Variants in RIN3 observed in about 807,000 individuals in gnomAD.
The protein encoded by RIN3 is Ras and Rab interactor 3.
In RIN3, 54 loss-of-function variants were observed where a neutral mutation model predicts 76.3. The ratio of observed to expected loss-of-function variants is 0.71; its 90% CI spans 0.57 to 0.89. The LOEUF (loss-of-function observed/expected upper bound fraction) is 0.89, where lower values mean the gene tolerates loss of function less well. Ranked by LOEUF, RIN3 falls within the 40% of genes least tolerant of loss-of-function variation. The pLI is 0.00. For synonymous variants in RIN3, 576 were observed against 564.0 expected (o/e 1.02, Z -0.30); for missense variants, 1,256 against 1,322.1 (o/e 0.95, Z 0.78).
intron 1 of RIN3, among the ~76,000 whole-genome samples, chr14:92,525,073 C>G (rs1896694334): frequency 6.6e-6 from 1 of 152,176 alleles, no homozygotes; most frequent in Admixed American, 6.5e-5. Flanking sequence ...CTGGCTGAGG[C>G]AAAGCTGGGT....
rs1898340324 is a variant in RIN3 at position 92,578,803 on chromosome 14, C to T, written c.367+1326C>T. ...ATCAGCTGATCCATAAGAAAGAATGCAGACCTCAAACACCAATCTTAGGTT... is the reference window on the plus strand; with the variant it reads ...ATCAGCTGATCCATAAGAAAGAATGTAGACCTCAAACACCAATCTTAGGTT... On this transcript the variant is annotated intron_variant, in intron 3 of 9. Transcript: ENST00000216487. Among the ~76,000 whole-genome samples the T allele has an allele frequency of 2.0e-5, 3 of 152,174 alleles. No homozygotes were observed. The South Asian group carries it at 6.2e-4, about 32-fold the overall frequency.
At chr14:92,575,709 G>C (rs558477403) in intron 2 of RIN3, among the ~76,000 whole-genome samples, 1 of 152,208 alleles carries the variant, frequency 6.6e-6, no homozygotes, top group Admixed American at 6.5e-5. Flanking sequence ...CAGTGAGGAC[G>C]ACCAGAGGTC....
At chr14:92,562,510 A>C (rs991100522) in intron 2 of RIN3, among the ~76,000 whole-genome samples, 1 of 152,164 alleles carries the variant, frequency 6.6e-6, no homozygotes. Context: ...CTATTTGTTA[A>C]GCCATTTACT....
chr14:92,577,340 A>C lies in RIN3; in HGVS notation c.250-20A>C, dbSNP rs1595429937. On this transcript the variant is annotated intron_variant, in intron 2 of 9. Coordinates refer to ENST00000216487, the MANE Select transcript of RIN3 (RefSeq NM_024832.5). ...CCAAATCTTTAATTCACGGAGCTGCATCCCCTTCTTTGGTTTCAGATGTTC... is the reference window on the plus strand; with the variant it reads ...CCAAATCTTTAATTCACGGAGCTGCCTCCCCTTCTTTGGTTTCAGATGTTC... 2.6e-6 allele frequency: 4 copies of C among 1,567,528 alleles called. No individual in the cohort carries two copies. In the Admixed American group the frequency reaches 5.0e-5, roughly 20 times the overall value.
intron 3 of RIN3, among the ~76,000 whole-genome samples, chr14:92,608,610 C>T (rs905870056): frequency 2.4e-4 from 37 of 152,008 alleles, no homozygotes; most frequent in African/African-American, 8.7e-4. Flanking sequence ...TCTTGGCTCA[C>T]TACAACCTCT....
At chr14:92,618,773 T>G (rs533420183) in intron 4 of RIN3, among the ~76,000 whole-genome samples, 11 of 152,338 alleles carry the variant, frequency 7.2e-5, no homozygotes, top group African/African-American at 2.4e-4. Flanking sequence ...TTTCAGTAAT[T>G]TGTAAGCCAC....
At chr14:92,537,176 A>G (rs1027660625) in intron 1 of RIN3, among the ~76,000 whole-genome samples, 4 of 152,178 alleles carry the variant, frequency 2.6e-5, no homozygotes, top group African/African-American at 9.7e-5. Flanking sequence ...GGAGTACAGT[A>G]TACATACTGG....
intron 4 of RIN3, among the ~76,000 whole-genome samples, chr14:92,629,726 C>T (rs942313108): frequency 2.6e-5 from 4 of 152,152 alleles, no homozygotes; most frequent in Non-Finnish European, 5.9e-5. Flanking sequence ...TTAAATTTTG[C>T]GAACAATTTC....
Position 92,652,781 on chromosome 14 carries a change from G to C in RIN3, c.1732G>C (p.Ala578Pro), listed in dbSNP as rs1255173953. ...KKKPSMILGK[A>P]RHRLSFASFS... ...GAAGCCCTCCATGATCCTGGGCAAG[G>C]CTCGGCACCGGCTGAGCTTTGCCAG... The change falls in exon 6 of 10, where the codon GCT (alanine) becomes CCT (proline). Residue 578 changes from alanine (A) to proline (P), a missense_variant. By Grantham distance (27) the Ala-to-Pro change is conservative (BLOSUM62 -1). Around this residue, in one of 3 missense-constraint regions of RIN3, gnomAD observed 428 missense variants for 521.2 expected, o/e 0.82. Transcript: ENST00000216487. This position sits in a 1 kb window ranked among gnomAD's most constrained non-coding sequence, Gnocchi z 6.4. The C allele has an allele frequency of 2.5e-6, 4 of 1,614,000 alleles. No homozygotes were observed. The East Asian group carries it at 6.7e-5, about 27-fold the overall frequency.
intron 3 of RIN3, among the ~76,000 whole-genome samples, chr14:92,582,442 C>CTTTTTTTTTTTT (rs35072092): frequency 2.6e-5 from 3 of 117,564 alleles, no homozygotes; most frequent in Non-Finnish European, 5.0e-5. Context: ...TCCTTTTTTA[C>CTTTTTTTTTTTT]TTTTTTTTTT....
chr14:92,664,368 T>TC (rs1198531339), intron 7 of RIN3, among the ~76,000 whole-genome samples: 1 of 126,986 alleles, frequency 7.9e-6, no homozygotes, highest in Non-Finnish European at 1.6e-5. Flanking sequence ...TTCTTTCTTT[T>TC]TTTTTTTTTT....
At chr14:92,653,895 G>A (rs1887565860) in intron 6 of RIN3, among the ~76,000 whole-genome samples, 1 of 151,962 alleles carries the variant, frequency 6.6e-6, no homozygotes. Flanking sequence ...GCACGCACCT[G>A]TAGTCTCATC....
chr14:92,537,245 T>A (rs966298231), intron 1 of RIN3, among the ~76,000 whole-genome samples: 9 of 152,240 alleles, frequency 5.9e-5, no homozygotes, highest in Non-Finnish European at 1.3e-4. Flanking sequence ...GGTTGTTTCA[T>A]ATGGTACTAA....
intron 3 of RIN3, among the ~76,000 whole-genome samples, chr14:92,579,277 C>T (rs1050021714): frequency 2.6e-5 from 4 of 152,230 alleles, no homozygotes; most frequent in Admixed American, 6.5e-5. Context: ...TTTACAAAGG[C>T]GGCCTGGTCT....
At chr14:92,640,992 G>T (rs1290191163) in intron 4 of RIN3, among the ~76,000 whole-genome samples, 1 of 152,098 alleles carries the variant, frequency 6.6e-6, no homozygotes, top group African/African-American at 2.4e-5. Context: ...CCAAGGAGAA[G>T]CAGTGACCCC....
At position 92,651,687 on chromosome 14, in the gene RIN3, C is replaced by T. The variant is rs762405891; in HGVS notation, c.638C>T (p.Thr213Ile). Residue 213 changes from threonine (T) to isoleucine (I), a missense_variant, in exon 6 of 10, where the codon ACA becomes ATA. Physicochemically the swap from Thr to Ile is moderately conservative, Grantham distance 89. Around this residue, in one of 3 missense-constraint regions of RIN3, gnomAD observed 610 missense variants for 626.4 expected, o/e 0.97. Coordinates refer to ENST00000216487, the MANE Select transcript of RIN3 (RefSeq NM_024832.5). ...GFPLVSSLRPTAHDANCACEI... is the reference protein window; with the variant it reads ...GFPLVSSLRPIAHDANCACEI... The stretch of plus-strand genomic sequence containing the variant: ...CCCCTAGTCTCCAGCCTCAGGCCCA[C>T]AGCCCATGACGCAAACTGTGCCTGT... The T allele has an allele frequency of 5.0e-6, 8 of 1,614,122 alleles. No individual in the cohort carries two copies. The South Asian group carries it at 5.5e-5, about 11-fold the overall frequency.
At position 92,551,227 on chromosome 14, in the gene RIN3, G is replaced by C. The variant is rs530236041; in HGVS notation, c.45-4524G>C. ...ATGCCATATGTACTTTTTTGCATTTGGCTTCCTTGACTCAGCATAATGCTT... is the reference window on the plus strand; with the variant it reads ...ATGCCATATGTACTTTTTTGCATTTCGCTTCCTTGACTCAGCATAATGCTT... On this transcript the variant is annotated intron_variant, in intron 1 of 9. Transcript: ENST00000216487. 9.5e-4 allele frequency among the ~76,000 whole-genome samples: 144 copies of C among 152,216 alleles called. 1 individual carries two copies. In the South Asian group the frequency reaches 0.016, roughly 17 times the overall value.
intron 7 of RIN3, among the ~76,000 whole-genome samples, chr14:92,676,066 G>A (rs1190453556): frequency 6.6e-6 from 1 of 152,088 alleles, no homozygotes; most frequent in African/African-American, 2.4e-5. Context: ...CTGTTTCGCA[G>A]GTGGGAGGGA....
At chr14:92,575,810 G>A (rs1355299683) in intron 2 of RIN3, among the ~76,000 whole-genome samples, 1 of 152,078 alleles carries the variant, frequency 6.6e-6, no homozygotes, top group Non-Finnish European at 1.5e-5. Flanking sequence ...CCTGTATCTT[G>A]TGCCCACCTC....
Sources: allele counts gnomAD v4.1 joint callset (sites outside exome capture counted in the v4.1 genomes callset), GRCh38; gene constraint gnomAD v4.1.1; regional missense constraint gnomAD v4.1.1; non-coding constraint Gnocchi (gnomAD v3.1); transcripts MANE v1.5; gene names NCBI Gene and HGNC (gene_info 2026-07-23, HGNC 2026-07-21).